The following EPHA7 variants were observed in gnomAD, a reference collection of about 807,000 sequenced individuals.
EPHA7 encodes EPH receptor A7.
In EPHA7, 25 loss-of-function variants were observed where a neutral mutation model predicts 112.6. That is an observed-to-expected ratio of 0.22 (90% CI 0.16 to 0.31). The LOEUF (loss-of-function observed/expected upper bound fraction) is 0.31, where lower values mean the gene tolerates loss of function less well. Ranked by LOEUF, EPHA7 falls within the 10% of genes least tolerant of loss-of-function variation. EPHA7 has a pLI of 1.00. For synonymous variants in EPHA7, 437 were observed against 406.5 expected (o/e 1.07, Z -0.90); for missense variants, 962 against 1,212.6 (o/e 0.79, Z 3.07).
At position 93,240,705 on chromosome 6, in the gene EPHA7, G is replaced by A. The variant is rs903917257; in HGVS notation, c.*2721C>T. 2.4e-5 allele frequency: 5 copies of A among 212,624 alleles called. No homozygotes were observed. The highest frequency in any genetic ancestry group is 9.1e-5 in the African/African-American group (4 of 44,072). 13.2% of individuals were successfully genotyped at this position (212,624 alleles called of 1,614,324 possible). ...ATAATTTTGGAATTCTATTTTTGAC[G>A]TTCACTTTCTCTACTTTTCCTCCCC... On this transcript the variant is annotated 3_prime_UTR_variant, in exon 17 of 17. Coordinates refer to ENST00000369303, the MANE Select transcript of EPHA7 (RefSeq NM_004440.4).
intron 5 of EPHA7, among the ~76,000 whole-genome samples, chr6:93,277,818 A>G (rs911828410): frequency 5.3e-5 from 8 of 152,112 alleles, no homozygotes; most frequent in African/African-American, 1.9e-4. Context: ...TACTAAAAAG[A>G]CAATTTGACT....
chr6:93,400,850 T>G (rs1183670408), intron 3 of EPHA7, among the ~76,000 whole-genome samples: 1 of 152,128 alleles, frequency 6.6e-6, no homozygotes, highest in Non-Finnish European at 1.5e-5. Flanking sequence ...AATGATTTCT[T>G]TAAAAAGTAG....
At chr6:93,344,558 T>C (rs1045487452) in intron 5 of EPHA7, among the ~76,000 whole-genome samples, 8 of 151,752 alleles carry the variant, frequency 5.3e-5, no homozygotes, top group Non-Finnish European at 1.2e-4. Flanking sequence ...TCAGCCATCA[T>C]TGAGCTGAAT....
chr6:93,330,612 A>T (rs574831119), intron 5 of EPHA7, among the ~76,000 whole-genome samples: 1 of 151,434 alleles, frequency 6.6e-6, no homozygotes, highest in Admixed American at 6.6e-5. Context: ...AAATAACCAG[A>T]TTTCTTTCTT....
At chr6:93,245,097 T>C (rs1181837922) in intron 16 of EPHA7, among the ~76,000 whole-genome samples, 1 of 152,180 alleles carries the variant, frequency 6.6e-6, no homozygotes, top group Non-Finnish European at 1.5e-5. Context: ...ACAATTATTG[T>C]TGTGAAGGTT....
Position 93,358,417 on chromosome 6 carries a change from A to C in EPHA7, c.833-6T>G. 1 of 1,590,026 alleles carries C rather than the reference A, an allele frequency of 6.3e-7. No homozygotes were observed. Among genetic ancestry groups the C allele is most frequent in the Non-Finnish European group, 8.5e-7 (1 of 1,170,070 alleles). On this transcript the variant is annotated splice_region_variant and splice_polypyrimidine_tract_variant and intron_variant, in intron 3 of 16. Transcript: ENST00000369303. ...GTAGAACCCACGGCCACAGGCTGGGAATGCAAAAGAAAGCAAAAATTGAGA... is the reference window on the plus strand; with the variant it reads ...GTAGAACCCACGGCCACAGGCTGGGCATGCAAAAGAAAGCAAAAATTGAGA...
At chr6:93,281,995 T>G (rs1169098778) in intron 5 of EPHA7, among the ~76,000 whole-genome samples, 2 of 152,030 alleles carry the variant, frequency 1.3e-5, no homozygotes, top group Non-Finnish European at 2.9e-5. Context: ...ATATACAATT[T>G]TACATATATA....
chr6:93,285,933 C>T (rs997687313), intron 5 of EPHA7, among the ~76,000 whole-genome samples: 4 of 152,110 alleles, frequency 2.6e-5, no homozygotes, highest in Admixed American at 6.5e-5. Flanking sequence ...TGGAACACAG[C>T]GGCACCCTTT....
rs181251423 is a variant in EPHA7 at position 93,355,617 on chromosome 6, G to A, written c.1324+1100C>T. Among the ~76,000 whole-genome samples the A allele has an allele frequency of 4.9e-3, 750 of 152,244 alleles. 8 individuals are homozygous for A. Among genetic ancestry groups the A allele is most frequent in the Middle Eastern group, 0.027 (8 of 294 alleles). On this transcript the variant is annotated intron_variant, in intron 5 of 16. Coordinates refer to ENST00000369303, the MANE Select transcript of EPHA7 (RefSeq NM_004440.4). Reference sequence around the variant, plus strand: ...ATTTACTACATAGCATCTATCTTCAGCAATAAGAATTTTTGAAAAGACTGA... The same window carrying A: ...ATTTACTACATAGCATCTATCTTCAACAATAAGAATTTTTGAAAAGACTGA...
chr6:93,301,046 A>T (rs1772952329), intron 5 of EPHA7, among the ~76,000 whole-genome samples: 1 of 152,180 alleles, frequency 6.6e-6, no homozygotes, highest in Non-Finnish European at 1.5e-5. Context: ...AACATATGGT[A>T]TTATAATCTT....
intron 3 of EPHA7, among the ~76,000 whole-genome samples, chr6:93,369,511 T>C (rs1434991574): frequency 1.3e-5 from 2 of 152,196 alleles, no homozygotes; most frequent in African/African-American, 4.8e-5. Flanking sequence ...TATAGTTTCA[T>C]TCTTTTTAAA....
chr6:93,258,374 C>T (rs1770537633), intron 10 of EPHA7, 90 bp from the exon 11 acceptor site: 3 of 1,270,454 alleles, frequency 2.4e-6, no homozygotes, highest in Non-Finnish European at 3.2e-6. Flanking sequence ...TTTTCTTTAA[C>T]TTTTAGTAAA....
At chr6:93,374,542 T>C (rs1776958410) in intron 3 of EPHA7, among the ~76,000 whole-genome samples, 2 of 152,236 alleles carry the variant, frequency 1.3e-5, no homozygotes, top group South Asian at 2.1e-4. Flanking sequence ...CTGCCAAATA[T>C]GTTGTGGTTT....
intron 14 of EPHA7, among the ~76,000 whole-genome samples, chr6:93,253,462 A>T (rs3799817): frequency 0.65 from 97,707 of 151,292 alleles, 32,573 homozygotes; most frequent in South Asian, 0.83. Flanking sequence ...AACAGTCTAA[A>T]TGTTAGTTGT....
At chr6:93,250,107 A>G (rs919265711) in intron 14 of EPHA7, among the ~76,000 whole-genome samples, 7 of 152,160 alleles carry the variant, frequency 4.6e-5, no homozygotes, top group Non-Finnish European at 1.0e-4. Flanking sequence ...CATTTAAAAT[A>G]AGAGATATTG....
At position 93,256,043 on chromosome 6, in the gene EPHA7, G is replaced by A. The variant is rs747076425; in HGVS notation, c.2173-6C>T. ...GTAAATTGCCCATCATGTTTCTGCAGGAAGACAAAAATAAAAGCCCAGTTA... is the reference window on the plus strand; with the variant it reads ...GTAAATTGCCCATCATGTTTCTGCAAGAAGACAAAAATAAAAGCCCAGTTA... On this transcript the variant is annotated splice_polypyrimidine_tract_variant and splice_region_variant and intron_variant, in intron 12 of 16. Transcript: ENST00000369303. 4.3e-6 allele frequency: 7 copies of A among 1,613,300 alleles called. No individual in the cohort carries two copies. Among genetic ancestry groups the A allele is most frequent in the Non-Finnish European group, 5.1e-6 (6 of 1,179,786 alleles).
intron 3 of EPHA7, among the ~76,000 whole-genome samples, chr6:93,407,568 T>C (rs1254772477): frequency 1.3e-5 from 2 of 152,162 alleles, no homozygotes; most frequent in East Asian, 3.9e-4. Flanking sequence ...AGCAATTTAC[T>C]TGACTTATAA....
At chr6:93,385,720 ATAGAT>A (rs1274175146) in intron 3 of EPHA7, among the ~76,000 whole-genome samples, 9 of 152,070 alleles carry the variant, frequency 5.9e-5, no homozygotes, top group Admixed American at 5.2e-4. Context: ...GGATGGATGG[ATAGAT>A]TAGATAGCTA....
intron 3 of EPHA7, among the ~76,000 whole-genome samples, chr6:93,385,489 C>T (rs1159034426): frequency 6.6e-6 from 1 of 151,958 alleles, no homozygotes; most frequent in East Asian, 1.9e-4. Context: ...TTAATTTATA[C>T]TGGAATATTC....
Sources: gnomAD v4.1 joint callset for allele counts (sites outside exome capture counted in the v4.1 genomes callset) on GRCh38, gnomAD v4.1.1 for gene constraint, MANE v1.5 for transcripts, NCBI Gene and HGNC (gene_info 2026-07-23, HGNC 2026-07-21) for gene names.